GPHN: variants seen among roughly 807,000 people sequenced by gnomAD.
GPHN encodes gephyrin.
Under a neutral mutation model 95.5 loss-of-function variants are expected in GPHN, and 17 were observed. The ratio of observed to expected loss-of-function variants is 0.18; its 90% CI spans 0.12 to 0.27. The LOEUF is 0.27. Ranked by LOEUF, GPHN falls within the 10% of genes least tolerant of loss-of-function variation. The pLI, the probability that GPHN is intolerant of heterozygous loss-of-function variation, is 1.00. For synonymous variants in GPHN, 320 were observed against 322.5 expected (o/e 0.99, Z 0.08); for missense variants, 660 against 978.1 (o/e 0.67, Z 4.34).
the GPHN span, chr14:67,650,664 TGA>T: frequency 7.7e-6 from 12 of 1,560,462 alleles, no homozygotes; most frequent in Admixed American, 1.2e-4. Context: ...TGACCCTCAC[TGA>T]GAGTAGCAGC....
At chr14:67,173,977 G>A (rs2082749149) in intron 21 of GPHN, among the ~76,000 whole-genome samples, 1 of 151,978 alleles carries the variant, frequency 6.6e-6, no homozygotes. Flanking sequence ...CTTGAAGATA[G>A]GTCATTTGAA....
chr14:67,073,614 A>G (rs1258163496), intron 11 of GPHN, among the ~76,000 whole-genome samples: 2 of 152,192 alleles, frequency 1.3e-5, no homozygotes, highest in Non-Finnish European at 2.9e-5. Context: ...ATGAAACACC[A>G]ACCCAACTTA....
chr14:67,365,004 A>G, the GPHN span: 10 of 1,594,704 alleles, frequency 6.3e-6, no homozygotes, highest in Admixed American at 8.7e-5. Flanking sequence ...TGGACAAAGA[A>G]AAAGGTAAGT....
At chr14:66,888,156 C>T (rs541361040) in intron 5 of GPHN, among the ~76,000 whole-genome samples, 1 of 152,144 alleles carries the variant, frequency 6.6e-6, no homozygotes, top group African/African-American at 2.4e-5. Context: ...AATGCGAATA[C>T]CCAAAAGAGA....
intron 1 of GPHN, among the ~76,000 whole-genome samples, chr14:66,587,208 A>G (rs143340287): frequency 1.3e-5 from 2 of 152,304 alleles, no homozygotes; most frequent in Non-Finnish European, 2.9e-5. Flanking sequence ...GCTTTACATA[A>G]TAACAAGTAA....
intron 1 of GPHN, among the ~76,000 whole-genome samples, chr14:66,529,886 T>C (rs2058843564): frequency 6.6e-6 from 1 of 152,184 alleles, no homozygotes; most frequent in African/African-American, 2.4e-5. Flanking sequence ...AGAGCTCTCC[T>C]GTATGAGGTG....
At chr14:67,424,747 G>A in the GPHN span, among the ~76,000 whole-genome samples, 1 of 152,182 alleles carries the variant, frequency 6.6e-6, no homozygotes, top group Non-Finnish European at 1.5e-5. Flanking sequence ...TCCACTGGGT[G>A]TGGGGTGGGG....
In GPHN at chr14:67,122,252, G is replaced by A; in HGVS notation, c.1627-4G>A. The A allele has an allele frequency of 6.2e-7, 1 of 1,613,228 alleles. No homozygotes were observed. Among genetic ancestry groups the A allele is most frequent in the Non-Finnish European group, 8.5e-7 (1 of 1,179,416 alleles). ...TAATTTGTGGTGGTTTTTTGGCTTT[G>A]TAGCTGCTAAATCCTGAAGATGACC... is the stretch of plus-strand genomic sequence containing the variant. On this transcript the variant is annotated splice_region_variant and splice_polypyrimidine_tract_variant and intron_variant, in intron 16 of 22. Coordinates refer to ENST00000478722, the MANE Select transcript of GPHN (RefSeq NM_020806.5).
chr14:67,552,390 G>A, the GPHN span, among the ~76,000 whole-genome samples: 524 of 152,322 alleles, frequency 3.4e-3, 3 homozygotes, highest in African/African-American at 6.7e-3. Context: ...AAAGTGTTCA[G>A]ACATTAGTTT....
chr14:67,606,672 G>A, the GPHN span, among the ~76,000 whole-genome samples: 1 of 152,216 alleles, frequency 6.6e-6, no homozygotes, highest in South Asian at 2.1e-4. Context: ...TTGAGACGGA[G>A]TTTTGCTCTT....
intron 3 of GPHN, among the ~76,000 whole-genome samples, chr14:66,800,747 G>A (rs1188718020): frequency 6.6e-6 from 1 of 151,866 alleles, no homozygotes. Context: ...TCTAGGTTTG[G>A]GAAGTTCTCT....
chr14:67,714,104 G>A, the GPHN span, among the ~76,000 whole-genome samples: 1 of 152,100 alleles, frequency 6.6e-6, no homozygotes, highest in Non-Finnish European at 1.5e-5. Context: ...TAAAAAAATT[G>A]TAATTTCCTA....
At chr14:67,034,198 G>A (rs1239436503) in intron 10 of GPHN, among the ~76,000 whole-genome samples, 5 of 152,052 alleles carry the variant, frequency 3.3e-5, no homozygotes, top group Admixed American at 3.3e-4. Flanking sequence ...CTATAATGGT[G>A]GCATGTAAAT....
chr14:66,849,117 A>T (rs1851790854), intron 4 of GPHN, among the ~76,000 whole-genome samples: 1 of 152,000 alleles, frequency 6.6e-6, no homozygotes, highest in Non-Finnish European at 1.5e-5. Flanking sequence ...AAATAAATTG[A>T]CTTGGATGTA....
At chr14:67,724,206 C>T in the GPHN span, among the ~76,000 whole-genome samples, 37 of 152,262 alleles carry the variant, frequency 2.4e-4, 1 homozygote, top group Admixed American at 1.9e-3. Context: ...CTCCATTGGC[C>T]CTGACTCCAG....
chr14:67,160,733 G>A (rs1236262319), intron 19 of GPHN, among the ~76,000 whole-genome samples: 1 of 152,174 alleles, frequency 6.6e-6, no homozygotes, highest in Non-Finnish European at 1.5e-5. Flanking sequence ...CTTCTCAGTT[G>A]TTGTAAGTGA....
At chr14:66,904,398 C>T (rs909170630) in intron 5 of GPHN, among the ~76,000 whole-genome samples, 1 of 152,138 alleles carries the variant, frequency 6.6e-6, no homozygotes, top group Non-Finnish European at 1.5e-5. Flanking sequence ...GTCCATTTTA[C>T]AAATCTCTAG....
At chr14:66,576,889 A>C (rs141701685) in intron 1 of GPHN, among the ~76,000 whole-genome samples, 68 of 152,314 alleles carry the variant, frequency 4.5e-4, no homozygotes, top group African/African-American at 1.5e-3. Flanking sequence ...TCATAATTTG[A>C]AATAACATTA....
the GPHN span, among the ~76,000 whole-genome samples, chr14:67,255,942 C>T: frequency 6.6e-6 from 1 of 152,222 alleles, no homozygotes; most frequent in African/African-American, 2.4e-5. Flanking sequence ...ATGCTTTGGC[C>T]TCCCAAAGTG....
Sources: allele counts gnomAD v4.1 joint callset (sites outside exome capture counted in the v4.1 genomes callset), GRCh38; gene constraint gnomAD v4.1.1; transcripts MANE v1.5; gene names NCBI Gene and HGNC (gene_info 2026-07-23, HGNC 2026-07-21).